The following CARMIL1 variants were observed in gnomAD, a reference collection of about 807,000 sequenced individuals.
CARMIL1 encodes the protein F-actin-uncapping protein LRRC16A.
A neutral mutation model predicts 177.1 loss-of-function variants in CARMIL1; 90 were observed. The observed-to-expected ratio is 0.51, with a 90% confidence interval of 0.43 to 0.61. CARMIL1 has a LOEUF of 0.61. Ranked by LOEUF, CARMIL1 falls within the 20% of genes least tolerant of loss-of-function variation. The pLI is 0.00. For missense variants in CARMIL1, 1,380 were observed against 1,667.0 expected, an observed-to-expected ratio of 0.83 and a Z score of 3.00; for synonymous variants, 577 against 606.2, an observed-to-expected ratio of 0.95 and a Z score of 0.71.
chr6:25,617,792 G>C (rs1759400273), intron 36 of CARMIL1, among the ~76,000 whole-genome samples: 2 of 152,090 alleles, frequency 1.3e-5, no homozygotes, highest in African/African-American at 4.8e-5. Context: ...TCTAAACCTG[G>C]CTTACTGACA....
At chr6:25,302,202 T>C (rs1782908458) in intron 2 of CARMIL1, among the ~76,000 whole-genome samples, 1 of 152,176 alleles carries the variant, frequency 6.6e-6, no homozygotes, top group African/African-American at 2.4e-5. Context: ...CCTCCTGTCT[T>C]TCCTATTAGA....
rs549247794 is a variant in CARMIL1, at chr6:25,450,620, G to A, written c.541-18G>A. On this transcript the variant is annotated intron_variant, in intron 7 of 36. Transcript: ENST00000329474. ...ATCTGCATGGACTGATGACATGACT[G>A]AATTATATTTCAAATAGGATGTGGA... 20 of 1,458,488 alleles carry A rather than the reference G, an allele frequency of 1.4e-5. No individual in the cohort carries two copies. Among genetic ancestry groups the A allele is most frequent in the Admixed American group, 3.4e-5 (2 of 58,048 alleles). The allele number at this position is 1,458,488 out of a possible 1,614,324, so 90.3% of individuals were successfully genotyped here.
intron 12 of CARMIL1, among the ~76,000 whole-genome samples, chr6:25,485,943 A>G (rs941481037): frequency 4.6e-5 from 7 of 152,092 alleles, no homozygotes; most frequent in African/African-American, 1.7e-4. Flanking sequence ...CAGATTAAAA[A>G]AAAAAAAAAC....
chr6:25,427,078 G>A (rs1218794626), intron 4 of CARMIL1, among the ~76,000 whole-genome samples: 2 of 152,164 alleles, frequency 1.3e-5, no homozygotes, highest in East Asian at 3.8e-4. Flanking sequence ...TTTGGTTGCT[G>A]TAGTTTGCAT....
In CARMIL1 at chr6:25,581,300, C is replaced by T. The variant is rs367782367; in HGVS notation, c.2867C>T (p.Pro956Leu). 15 of 1,613,750 alleles carry T rather than the reference C, an allele frequency of 9.3e-6. No individual in the cohort carries two copies. The highest frequency in any genetic ancestry group is 2.2e-5 in the East Asian group (1 of 44,882). The change falls in exon 31 of 37, where the codon CCG becomes CTG. Residue 956 changes from proline (P) to leucine (L), a missense_variant. Pro to Leu is a moderately conservative substitution (Grantham distance 98, BLOSUM62 -3). Transcript: ENST00000329474. ...LEEVPIHIED[P>L]PFPSLRQEKR... ...GAGGTACCAATTCACATCGAAGACCCGCCCTTCCCATCCCTCAGACAGGAG... is the reference window on the plus strand; with the variant it reads ...GAGGTACCAATTCACATCGAAGACCTGCCCTTCCCATCCCTCAGACAGGAG...
At chr6:25,304,644 C>T (rs555760300) in intron 2 of CARMIL1, among the ~76,000 whole-genome samples, 41 of 152,284 alleles carry the variant, frequency 2.7e-4, no homozygotes, top group South Asian at 1.2e-3. Context: ...TCCTGCTGTG[C>T]GGTCTGGTTC....
chr6:25,547,549 G>A (rs898587764), intron 26 of CARMIL1, among the ~76,000 whole-genome samples: 6 of 152,098 alleles, frequency 3.9e-5, no homozygotes, highest in African/African-American at 7.2e-5. Flanking sequence ...GACTATACCC[G>A]TACTTAGTGA....
rs1322518018 is a variant in CARMIL1 at position 25,577,975 on chromosome 6, C to G, written c.2743-2949C>G. Among the ~76,000 whole-genome samples the G allele has an allele frequency of 1.3e-5, 2 of 152,082 alleles. No homozygotes were observed. Among genetic ancestry groups the G allele is most frequent in the Non-Finnish European group, 2.9e-5 (2 of 67,978 alleles). ...TAAAATAAGGGTTTAACACCTTTTT[C>G]CTCATACTTTTTTGGGATATGGGTT... On this transcript the variant is annotated intron_variant, in intron 29 of 36. Transcript: ENST00000329474. This position sits in a 1 kb window ranked among gnomAD's most constrained non-coding sequence, Gnocchi z 4.5.
chr6:25,439,767 A>C (rs73393834), intron 5 of CARMIL1, among the ~76,000 whole-genome samples: 1 of 152,200 alleles, frequency 6.6e-6, no homozygotes, highest in Non-Finnish European at 1.5e-5. Context: ...AAGATCAGCT[A>C]TTAAGGGGAA....
intron 2 of CARMIL1, among the ~76,000 whole-genome samples, chr6:25,287,036 G>A (rs1781569458): frequency 6.6e-6 from 1 of 152,192 alleles, no homozygotes; most frequent in Admixed American, 6.5e-5. Flanking sequence ...ACTTGCATGG[G>A]CAGGAATTAT....
intron 32 of CARMIL1, among the ~76,000 whole-genome samples, chr6:25,595,262 G>A (rs1814716052): frequency 9.3e-6 from 1 of 107,202 alleles, no homozygotes; most frequent in Admixed American, 9.1e-5. Context: ...TTGTCTTTAT[G>A]AAGATTCTCA....
rs1800561593 is a variant in CARMIL1, at chr6:25,465,968, G to A, written c.690+20G>A. 2 of 1,557,628 alleles carry A rather than the reference G, an allele frequency of 1.3e-6. No individual in the cohort carries two copies. Among genetic ancestry groups the A allele is most frequent in the Non-Finnish European group, 1.8e-6 (2 of 1,132,086 alleles). ...AAACTGGTAAGTAATCAAACATGCA[G>A]CAAATGTTGCTTGGCTTTGCTGAAT... is the stretch of plus-strand genomic sequence containing the variant. On this transcript the variant is annotated intron_variant, in intron 9 of 36. Coordinates refer to ENST00000329474, the MANE Select transcript of CARMIL1 (RefSeq NM_017640.6).
intron 29 of CARMIL1, among the ~76,000 whole-genome samples, chr6:25,578,900 T>C (rs1387924168): frequency 5.9e-5 from 9 of 152,072 alleles, no homozygotes; most frequent in Non-Finnish European, 8.8e-5. Context: ...CTTTGAAGCA[T>C]TGGAAAACAA....
intron 2 of CARMIL1, among the ~76,000 whole-genome samples, chr6:25,365,616 A>C (rs576979978): frequency 6.6e-6 from 1 of 152,096 alleles, no homozygotes; most frequent in Non-Finnish European, 1.5e-5. Flanking sequence ...GTTTTGTTGC[A>C]ATCTCAGCCC....
rs111611482 is a variant in CARMIL1 at position 25,334,102 on chromosome 6, G to A, written c.138+49193G>A. 3.5e-3 allele frequency among the ~76,000 whole-genome samples: 530 copies of A among 152,298 alleles called. 1 individual carries two copies. Among genetic ancestry groups the A allele is most frequent in the African/African-American group, 0.012 (494 of 41,558 alleles). On this transcript the variant is annotated intron_variant, in intron 2 of 36. Transcript: ENST00000329474. Reference sequence around the variant, plus strand: ...TCAGTTCAACACACCCCTGGTGGCTGTTGTAGCTCAGGGTTGAGTAGTGAT... The same window carrying A: ...TCAGTTCAACACACCCCTGGTGGCTATTGTAGCTCAGGGTTGAGTAGTGAT...
At chr6:25,281,916 ACCAG>A in intron 1 of CARMIL1, among the ~76,000 whole-genome samples, 1 of 152,134 alleles carries the variant, frequency 6.6e-6, no homozygotes, top group Admixed American at 6.5e-5. Flanking sequence ...GGAGTTGGAG[ACCAG>A]CCTGACCAAC....
chr6:25,470,781 C>A (rs764518124), intron 9 of CARMIL1, among the ~76,000 whole-genome samples: 1 of 152,128 alleles, frequency 6.6e-6, no homozygotes, highest in Non-Finnish European at 1.5e-5. Flanking sequence ...GCCTCTTTTA[C>A]GAAAGCACTA....
intron 2 of CARMIL1, among the ~76,000 whole-genome samples, chr6:25,310,869 T>G (rs6456666): frequency 0.21 from 31,525 of 152,030 alleles, 4,191 homozygotes; most frequent in East Asian, 0.4. Flanking sequence ...GTTTTTTTTG[T>G]GATCTGGCAG....
In CARMIL1 at chr6:25,430,669, G is replaced by A. The variant is rs143603594; in HGVS notation, c.249+4109G>A. Among the ~76,000 whole-genome samples, 107 of 152,128 alleles carry A rather than the reference G, an allele frequency of 7.0e-4. 2 individuals carry two copies. The East Asian group carries it at 0.019, about 26-fold the overall frequency. ...TCGACTCGAACTTCTGAGCTCAAGC[G>A]ATCCACCTCCCTCAGCCTCCCAAAG... On this transcript the variant is annotated intron_variant, in intron 4 of 36. Transcript: ENST00000329474.
Sources: gnomAD v4.1 joint callset for allele counts (sites outside exome capture counted in the v4.1 genomes callset) on GRCh38, gnomAD v4.1.1 for gene constraint, Gnocchi (gnomAD v3.1) non-coding constraint, MANE v1.5 for transcripts, NCBI Gene and HGNC (gene_info 2026-07-23, HGNC 2026-07-21) for gene names.